The following FAM117A variants were observed in gnomAD, a reference collection of about 807,000 sequenced individuals.
FAM117A encodes the protein family with sequence similarity 117 member A.
Under a neutral mutation model 44.1 loss-of-function variants are expected in FAM117A, and 21 were observed. The ratio of observed to expected loss-of-function variants is 0.48; its 90% CI spans 0.34 to 0.69. The LOEUF is 0.69. Among genes scored for constraint, FAM117A ranks in the 30% least tolerant of loss-of-function variants. The pLI is 0.01. For synonymous variants in FAM117A, 220 were observed against 238.3 expected (o/e 0.92, Z 0.71); for missense variants, 498 against 589.9 (o/e 0.84, Z 1.61).
At chr17:49,749,886 C>T (rs1210105924) in intron 1 of FAM117A, among the ~76,000 whole-genome samples, 1 of 148,438 alleles carries the variant, frequency 6.7e-6, no homozygotes, top group Non-Finnish European at 1.5e-5. Context: ...CGGTCAATAC[C>T]TGGGCTCACA....
chr17:49,744,630 C>T (rs2073647353), intron 1 of FAM117A, among the ~76,000 whole-genome samples: 1 of 151,790 alleles, frequency 6.6e-6, no homozygotes, highest in South Asian at 2.1e-4. Flanking sequence ...TCCCTGCAAT[C>T]CCACACTTTC....
At chr17:49,722,307 G>A (rs961245078) in intron 3 of FAM117A, among the ~76,000 whole-genome samples, 192 bp downstream of exon 3, 3 of 152,314 alleles carry the variant, frequency 2.0e-5, no homozygotes, top group African/African-American at 7.2e-5. Context: ...TAGCAGGAGG[G>A]TCTGGGCTCC....
Position 49,711,562 on chromosome 17 carries a change from G to T in FAM117A, c.1062-7C>A. On this transcript the variant is annotated splice_polypyrimidine_tract_variant and splice_region_variant and intron_variant, in intron 7 of 7. Coordinates refer to ENST00000240364, the MANE Select transcript of FAM117A (RefSeq NM_030802.4). ...CAGGTCAGGACCTGGAGACCTGGAG[G>T]ATGAAGAGAGACACACAAGACACAT... 1 of 1,613,280 alleles carries T rather than the reference G, an allele frequency of 6.2e-7. No homozygotes were observed. The highest frequency in any genetic ancestry group is 8.5e-7 in the Non-Finnish European group (1 of 1,179,768).
Position 49,732,727 on chromosome 17 carries a change from G to A in FAM117A, c.197-7C>T. 6.2e-7 allele frequency: 1 copy of A among 1,611,920 alleles called. No individual in the cohort carries two copies. The highest frequency in any genetic ancestry group is 1.3e-5 in the African/African-American group (1 of 75,002). ...ACCGAGCATGGGACGCTGGCTGCAA[G>A]AGAACACAGCCCGCACGCCTTGCCA... On this transcript the variant is annotated splice_region_variant and splice_polypyrimidine_tract_variant and intron_variant, in intron 1 of 7. Transcript: ENST00000240364.
At chr17:49,740,820 A>G (rs1039233383) in intron 1 of FAM117A, among the ~76,000 whole-genome samples, 3 of 152,204 alleles carry the variant, frequency 2.0e-5, no homozygotes, top group African/African-American at 7.2e-5. Context: ...ACAGGTACCT[A>G]AAGGAGAAGG....
At chr17:49,711,774 T>C (rs993568190) in intron 7 of FAM117A, among the ~76,000 whole-genome samples, 2 of 152,138 alleles carry the variant, frequency 1.3e-5, no homozygotes, top group South Asian at 2.1e-4. Flanking sequence ...AAAGGAGGGA[T>C]TGAAGCTAGA....
At position 49,748,875 on chromosome 17, in the gene FAM117A, ATGTGGTTTGG is replaced by A. The variant is rs1227546187; in HGVS notation, c.196+15007_196+15016del. ...CAAGGAGTACAAACAGGTGCATAAC[ATGTGGTTTGG>A]TGTGAGAGGAAAGGGGCCGGCACAC... is the stretch of plus-strand genomic sequence containing the variant. On this transcript the variant is annotated intron_variant, in intron 1 of 7. Transcript: ENST00000240364. 7.9e-5 allele frequency among the ~76,000 whole-genome samples: 12 copies of A among 152,156 alleles called. No individual in the cohort carries two copies. The East Asian group carries it at 1.7e-3, about 22-fold the overall frequency.
intron 7 of FAM117A, among the ~76,000 whole-genome samples, chr17:49,715,532 G>A (rs890618129): frequency 2.0e-5 from 3 of 152,126 alleles, no homozygotes; most frequent in Non-Finnish European, 4.4e-5. Flanking sequence ...CAATTCTTTC[G>A]GCTAATGGGA....
intron 2 of FAM117A, 45 bp downstream of exon 2, chr17:49,732,506 C>T (rs769117334): frequency 1.8e-5 from 29 of 1,597,036 alleles, no homozygotes; most frequent in Non-Finnish European, 2.4e-5. Flanking sequence ...CCAGCTCTCC[C>T]GCCCCATCCT....
intron 7 of FAM117A, among the ~76,000 whole-genome samples, chr17:49,714,618 G>C (rs999598078): frequency 6.6e-6 from 1 of 150,844 alleles, no homozygotes; most frequent in East Asian, 1.9e-4. Context: ...CATTACAGGC[G>C]TGAGCCACTG....
intron 1 of FAM117A, among the ~76,000 whole-genome samples, chr17:49,737,157 C>A (rs1023810105): frequency 1.3e-5 from 2 of 152,236 alleles, no homozygotes; most frequent in Non-Finnish European, 2.9e-5. Context: ...ACCCTTCCTG[C>A]AACCTTGTTG....
intron 2 of FAM117A, among the ~76,000 whole-genome samples, chr17:49,723,585 A>G (rs1309366959): frequency 6.6e-6 from 1 of 152,188 alleles, no homozygotes; most frequent in South Asian, 2.1e-4. Flanking sequence ...TGCCAAAAAC[A>G]TGAGGGCCTG....
intron 1 of FAM117A, among the ~76,000 whole-genome samples, chr17:49,782,304 G>A (rs1343569611): frequency 6.7e-6 from 1 of 148,218 alleles, no homozygotes; most frequent in East Asian, 2.0e-4. Context: ...ATGAACCTGG[G>A]AGGCGGAGCT....
intron 3 of FAM117A, among the ~76,000 whole-genome samples, chr17:49,721,083 C>T (rs886919429): frequency 9.2e-5 from 14 of 152,146 alleles, no homozygotes; most frequent in African/African-American, 2.4e-4. Context: ...ACATTCACAA[C>T]GATCTTAGAG....
At position 49,778,973 on chromosome 17, in the gene FAM117A, A is replaced by G. The variant is rs906370551; in HGVS notation, c.-621+9524T>C. On this transcript the variant is annotated intron_variant, in intron 1 of 7. Transcript: ENST00000513602. Reference sequence around the variant, plus strand: ...AGGTTTCCTGAGAAAATGGTATTTGAGCTGAGATCTGAAGGATTAGTGAAA... The same window carrying G: ...AGGTTTCCTGAGAAAATGGTATTTGGGCTGAGATCTGAAGGATTAGTGAAA... 3.9e-5 allele frequency among the ~76,000 whole-genome samples: 6 copies of G among 152,216 alleles called. No homozygotes were observed. In the East Asian group the frequency reaches 1.2e-3, roughly 29 times the overall value.
intron 1 of FAM117A, among the ~76,000 whole-genome samples, chr17:49,736,205 A>T (rs2073609817): frequency 1.3e-5 from 2 of 152,028 alleles, no homozygotes; most frequent in Admixed American, 1.3e-4. Flanking sequence ...CATAAAACAC[A>T]TCATTTTAAA....
At chr17:49,724,010 C>A (rs1453292656) in intron 2 of FAM117A, among the ~76,000 whole-genome samples, 1 of 152,158 alleles carries the variant, frequency 6.6e-6, no homozygotes, top group Middle Eastern at 3.2e-3. Context: ...GACAGCACAT[C>A]CTTCAGGCCC....
rs554033920 is a variant in FAM117A at position 49,775,522 on chromosome 17, T to G, written c.-621+12975A>C. 7.2e-5 allele frequency among the ~76,000 whole-genome samples: 11 copies of G among 152,362 alleles called. No individual in the cohort carries two copies. The South Asian group carries it at 2.1e-3, about 29-fold the overall frequency. On this transcript the variant is annotated intron_variant, in intron 1 of 7. Transcript: ENST00000513602. ...CTCCCACTTAGTAACTTAGTGGCTC[T>G]TAGAACAGTGCTCCTTTCGGCAGGC...
At chr17:49,762,743 T>C (rs1167423346) in intron 1 of FAM117A, among the ~76,000 whole-genome samples, 1 of 152,228 alleles carries the variant, frequency 6.6e-6, no homozygotes, top group Non-Finnish European at 1.5e-5. Flanking sequence ...GCTTTGGAAG[T>C]GTGCAATGAT....
Sources: allele counts gnomAD v4.1 joint callset (sites outside exome capture counted in the v4.1 genomes callset), GRCh38; gene constraint gnomAD v4.1.1; transcripts MANE v1.5; gene names NCBI Gene and HGNC (gene_info 2026-07-23, HGNC 2026-07-21).